GAS2L3: variants seen among roughly 807,000 people sequenced by gnomAD.
The protein encoded by GAS2L3 is GAS2-like protein 3.
Under a neutral mutation model 37.0 loss-of-function variants are expected in GAS2L3, and 28 were observed. The ratio of observed to expected loss-of-function variants is 0.76; its 90% CI spans 0.56 to 1.04. The LOEUF is 1.04. Among genes scored for constraint, GAS2L3 ranks in the 50% least tolerant of loss-of-function variants. The probability of loss-of-function intolerance (pLI) is 0.00; values close to 1 mark genes in which losing one functional copy is unlikely to be tolerated. For synonymous variants in GAS2L3, 290 were observed against 296.6 expected (o/e 0.98, Z 0.23); for missense variants, 793 against 817.6 (o/e 0.97, Z 0.37).
intron 1 of GAS2L3, among the ~76,000 whole-genome samples, chr12:100,590,761 A>G (rs749321717): frequency 7.2e-5 from 11 of 152,224 alleles, no homozygotes; most frequent in Non-Finnish European, 1.6e-4. Flanking sequence ...ATAAAAAGGA[A>G]TGAATTAACA....
intron 5 of GAS2L3, among the ~76,000 whole-genome samples, chr12:100,604,488 T>TG (rs1285945873): frequency 2.6e-4 from 40 of 151,164 alleles, no homozygotes; most frequent in Non-Finnish European, 4.9e-4. Context: ...TTTTTTTTTT[T>TG]TTGAGTGTGG....
Position 100,623,900 on chromosome 12 carries a change from C to T in GAS2L3, c.1095C>T (p.Gly365=). Residue 365 remains glycine (G), a synonymous_variant, in exon 10 of 10, where the codon GGC becomes GGT. Coordinates refer to ENST00000547754, the MANE Select transcript of GAS2L3 (RefSeq NM_174942.3). ...PASSLKGGNL[G]SMSVRSKLPN... is the part of the protein sequence containing the mutation. ...CTTCACTGAAAGGAGGTAATCTGGGCTCTATGTCAGTCCGTTCTAAATTGC... is the reference window on the plus strand; with the variant it reads ...CTTCACTGAAAGGAGGTAATCTGGGTTCTATGTCAGTCCGTTCTAAATTGC... 2 of 1,614,060 alleles carry T rather than the reference C, an allele frequency of 1.2e-6. No individual in the cohort carries two copies. The highest frequency in any genetic ancestry group is 1.7e-6 in the Non-Finnish European group (2 of 1,179,980).
At chr12:100,613,314 G>A (rs887506243) in intron 6 of GAS2L3, among the ~76,000 whole-genome samples, 1 of 152,260 alleles carries the variant, frequency 6.6e-6, no homozygotes, top group African/African-American at 2.4e-5. Flanking sequence ...GCATTGAACC[G>A]ATAAGCTAAT....
Position 100,623,908 on chromosome 12 carries a change from C to T in GAS2L3, c.1103C>T (p.Ser368Leu). The T allele has an allele frequency of 6.2e-7, 1 of 1,614,116 alleles. No homozygotes were observed. Among genetic ancestry groups the T allele is most frequent in the Non-Finnish European group, 8.5e-7 (1 of 1,180,012 alleles). ...AAAGGAGGTAATCTGGGCTCTATGT[C>T]AGTCCGTTCTAAATTGCCAAATTCT... The part of the protein sequence containing the change: ...SLKGGNLGSM[S>L]VRSKLPNSPA... Residue 368 changes from serine (S) to leucine (L), a missense_variant, in exon 10 of 10, where the codon TCA becomes TTA. Coordinates refer to ENST00000547754, the MANE Select transcript of GAS2L3 (RefSeq NM_174942.3).
intron 9 of GAS2L3, 123 bp downstream of exon 9, chr12:100,622,505 AGG>A: frequency 1.8e-6 from 1 of 547,458 alleles, no homozygotes; most frequent in South Asian, 2.4e-5. Flanking sequence ...TATTAATGGA[AGG>A]ATTTCACTGT....
chr12:100,620,720 T>C (rs1264269963), intron 8 of GAS2L3, among the ~76,000 whole-genome samples: 1 of 152,068 alleles, frequency 6.6e-6, no homozygotes, highest in African/African-American at 2.4e-5. Flanking sequence ...TTTAGGGTCC[T>C]GTTACAAAAT....
At chr12:100,619,483 A>T (rs1593188961) in intron 8 of GAS2L3, among the ~76,000 whole-genome samples, 1 of 152,142 alleles carries the variant, frequency 6.6e-6, no homozygotes, top group South Asian at 2.1e-4. Flanking sequence ...TAAACATTTT[A>T]AAAGTATTGC....
At chr12:100,598,568 G>A (rs373061083) in intron 3 of GAS2L3, among the ~76,000 whole-genome samples, 2 of 152,118 alleles carry the variant, frequency 1.3e-5, no homozygotes, top group East Asian at 3.9e-4. Flanking sequence ...TCCCTTTGTA[G>A]TATTTTTTAT....
At chr12:100,599,068 C>T (rs1430056196) in intron 3 of GAS2L3, among the ~76,000 whole-genome samples, 1 of 152,134 alleles carries the variant, frequency 6.6e-6, no homozygotes, top group East Asian at 1.9e-4. Context: ...GGGCTGTCCC[C>T]ATACCCGGAT....
intron 5 of GAS2L3, among the ~76,000 whole-genome samples, chr12:100,606,725 G>A (rs551159657): frequency 3.1e-4 from 47 of 151,900 alleles, no homozygotes; most frequent in African/African-American, 8.2e-4. Context: ...AACTGATTAC[G>A]TAAGCAAATG....
At chr12:100,596,007 G>A (rs918884295) in intron 3 of GAS2L3, among the ~76,000 whole-genome samples, 1 of 151,852 alleles carries the variant, frequency 6.6e-6, no homozygotes, top group Non-Finnish European at 1.5e-5. Flanking sequence ...GCCTAGAGAA[G>A]AGAATTTATC....
rs140807803 is a variant in GAS2L3, at chr12:100,626,283, G to A, written c.*1393G>A. The A allele has an allele frequency of 9.1e-4, 138 of 152,246 alleles. No homozygotes were observed. The highest frequency in any genetic ancestry group is 3.4e-3 in the Middle Eastern group (1 of 294). The allele number at this position is 152,246 out of a possible 1,614,324, so 9.4% of individuals were successfully genotyped here. A position where few individuals can be genotyped will look rare whatever the true frequency, so the allele number is the denominator to read the frequency against. On this transcript the variant is annotated 3_prime_UTR_variant, in exon 10 of 10. Transcript: ENST00000547754. ...CATAGAATAAGCATTTTAAGCTGGCGACTAGTGTTCTATAGATTACAAAGC... is the reference window on the plus strand; with the variant it reads ...CATAGAATAAGCATTTTAAGCTGGCAACTAGTGTTCTATAGATTACAAAGC...
At chr12:100,613,384 A>G (rs892131631) in intron 6 of GAS2L3, among the ~76,000 whole-genome samples, 5 of 152,048 alleles carry the variant, frequency 3.3e-5, no homozygotes, top group African/African-American at 1.2e-4. Context: ...TTTGCTAGCA[A>G]CTCAAAGCTA....
intron 1 of GAS2L3, among the ~76,000 whole-genome samples, chr12:100,584,883 G>GT (rs34138123): frequency 0.02 from 1,578 of 78,162 alleles, 26 homozygotes; most frequent in Non-Finnish European, 0.027. Flanking sequence ...TACTTGAATG[G>GT]TTTTTTTTTT....
chr12:100,593,423 A>G (rs1955871251), intron 2 of GAS2L3, among the ~76,000 whole-genome samples: 1 of 152,168 alleles, frequency 6.6e-6, no homozygotes, highest in Non-Finnish European at 1.5e-5. Context: ...AAGTGACCAA[A>G]TATTGTGCAT....
rs77437615 is a variant in GAS2L3 at position 100,626,504 on chromosome 12, A to T, written c.*1614A>T. The T allele has an allele frequency of 2.6e-5, 4 of 152,202 alleles. No individual in the cohort carries two copies. Among genetic ancestry groups the T allele is most frequent in the Non-Finnish European group, 5.9e-5 (4 of 68,022 alleles). 9.4% of individuals were successfully genotyped at this position (152,202 alleles called of 1,614,324 possible). ...TATACATCTTTGGAAAGTGAAGTCAATGTTCAAGAGGTGATAGAAGCTTTA... is the reference window on the plus strand; with the variant it reads ...TATACATCTTTGGAAAGTGAAGTCATTGTTCAAGAGGTGATAGAAGCTTTA... On this transcript the variant is annotated 3_prime_UTR_variant, in exon 10 of 10. Coordinates refer to ENST00000547754, the MANE Select transcript of GAS2L3 (RefSeq NM_174942.3).
At chr12:100,615,083 A>G (rs1272483525) in intron 6 of GAS2L3, among the ~76,000 whole-genome samples, 2 of 152,112 alleles carry the variant, frequency 1.3e-5, no homozygotes, top group Non-Finnish European at 2.9e-5. Flanking sequence ...CTTTTTGAGG[A>G]GCTGTTTTCA....
At chr12:100,589,893 C>G (rs935965693) in intron 1 of GAS2L3, among the ~76,000 whole-genome samples, 11 of 152,142 alleles carry the variant, frequency 7.2e-5, no homozygotes, top group Non-Finnish European at 1.3e-4. Flanking sequence ...TCATCTCTCA[C>G]CTTACACAAA....
chr12:100,604,733 A>G (rs11503433), intron 5 of GAS2L3, among the ~76,000 whole-genome samples: 41,081 of 151,752 alleles, frequency 0.27, 5,901 homozygotes, highest in African/African-American at 0.35. Flanking sequence ...CTGTAGGTCT[A>G]TCATCATATG....
Sources: gnomAD v4.1 joint callset for allele counts (sites outside exome capture counted in the v4.1 genomes callset) on GRCh38, gnomAD v4.1.1 for gene constraint, MANE v1.5 for transcripts, NCBI Gene and HGNC (gene_info 2026-07-23, HGNC 2026-07-21) for gene names.